The following C6orf163 variants were observed in gnomAD, a reference collection of about 807,000 sequenced individuals.
The protein encoded by C6orf163 is uncharacterized protein C6orf163.
A neutral mutation model predicts 28.4 loss-of-function variants in C6orf163; 22 were observed. The ratio of observed to expected loss-of-function variants is 0.78; its 90% confidence interval spans 0.55 to 1.11. The LOEUF is 1.11. C6orf163 is among the 50% of genes least tolerant of loss of function. C6orf163 has a pLI of 0.00. For missense variants in C6orf163, 342 were observed against 389.1 expected (o/e 0.88, Z 1.02); for synonymous variants, 110 against 123.6 (o/e 0.89, Z 0.73).
At chr6:87,354,337 C>T (rs559915296) in intron 3 of C6orf163, among the ~76,000 whole-genome samples, 1 of 152,224 alleles carries the variant, frequency 6.6e-6, no homozygotes, top group Admixed American at 6.5e-5. Context: ...GATTAAATTT[C>T]AAAAAGCAAA....
chr6:87,348,352 T>C, intron 1 of C6orf163: 1 of 987,204 alleles, frequency 1.0e-6, no homozygotes, highest in South Asian at 4.7e-5. Context: ...ACTGAAGCAG[T>C]TAAACCCACA....
At chr6:87,350,217 G>A (rs74508648) in intron 2 of C6orf163, among the ~76,000 whole-genome samples, 177 bp from the exon 3 acceptor site, 2,881 of 152,292 alleles carry the variant, frequency 0.019, 72 homozygotes, top group East Asian at 0.14. Context: ...TCTGGCTAAG[G>A]CAGACAGTTT....
At chr6:87,353,334 A>G (rs1777448098) in intron 3 of C6orf163, among the ~76,000 whole-genome samples, 1 of 152,082 alleles carries the variant, frequency 6.6e-6, no homozygotes, top group African/African-American at 2.4e-5. Flanking sequence ...TTTGTAACAC[A>G]AAGAAAGGAT....
chr6:87,356,129 ACAT>A (rs1003174514), intron 3 of C6orf163, 169 bp from the exon 4 acceptor site: 2 of 605,602 alleles, frequency 3.3e-6, no homozygotes, highest in Admixed American at 3.0e-5. Context: ...GGTTCACCTA[ACAT>A]CATATAAATA....
intron 1 of C6orf163, among the ~76,000 whole-genome samples, chr6:87,346,993 CTT>C (rs538214203): frequency 1.2e-4 from 19 of 152,244 alleles, no homozygotes; most frequent in Non-Finnish European, 2.2e-4. Context: ...CTTATGTACA[CTT>C]TTTTCCCCCG....
chr6:87,360,051 A>G (rs181003034), intron 4 of C6orf163, among the ~76,000 whole-genome samples: 123 of 152,232 alleles, frequency 8.1e-4, no homozygotes, highest in Non-Finnish European at 3.1e-4. Context: ...AACAACCTCT[A>G]CTTGTCATGT....
intron 4 of C6orf163, chr6:87,357,452 A>G (rs1036763665): frequency 4.6e-5 from 7 of 152,164 alleles, no homozygotes; most frequent in African/African-American, 1.2e-4. Flanking sequence ...TTTCTATATA[A>G]TTAATGGGTA....
At chr6:87,355,723 G>T (rs1464412383) in intron 3 of C6orf163, among the ~76,000 whole-genome samples, 1 of 152,096 alleles carries the variant, frequency 6.6e-6, no homozygotes, top group Non-Finnish European at 1.5e-5. Context: ...ATCCCTTGAG[G>T]ACTAAGATCC....
At chr6:87,348,222 C>G (rs1404367239) in intron 1 of C6orf163, 1 of 984,458 alleles carries the variant, frequency 1.0e-6, no homozygotes, top group Non-Finnish European at 1.2e-6. Flanking sequence ...TCTAGCCTCT[C>G]TAGACTTTTA....
At chr6:87,353,973 TC>T (rs1777459689) in intron 3 of C6orf163, among the ~76,000 whole-genome samples, 1 of 152,200 alleles carries the variant, frequency 6.6e-6, no homozygotes, top group East Asian at 1.9e-4. Context: ...TGCCTCAGCC[TC>T]CCAAGTAGCT....
intron 3 of C6orf163, 131 bp from the exon 4 acceptor site, chr6:87,356,170 C>A (rs1173548549): frequency 1.2e-5 from 9 of 765,338 alleles, no homozygotes; most frequent in Non-Finnish European, 1.9e-5. Flanking sequence ...ACACACTCTT[C>A]TTTTAAATCA....
intron 4 of C6orf163, among the ~76,000 whole-genome samples, chr6:87,361,775 T>G (rs1212931092): frequency 6.6e-6 from 1 of 152,176 alleles, no homozygotes; most frequent in Non-Finnish European, 1.5e-5. Flanking sequence ...ATTCCTCTTT[T>G]TCCCACTTCT....
At chr6:87,355,570 CAATTACCTT>C (rs1261194133) in intron 3 of C6orf163, among the ~76,000 whole-genome samples, 1 of 151,970 alleles carries the variant, frequency 6.6e-6, no homozygotes, top group Non-Finnish European at 1.5e-5. Flanking sequence ...CAAAAAAAAA[CAATTACCTT>C]TAAATGAAAG....
Position 87,365,228 on chromosome 6 carries a change from G to T in C6orf163, c.822G>T (p.Trp274Cys). ...AACAACTGGGAATCATGACAAATTG[G>T]AAAGATTTCCTAGAGGAGGAATTAC... ...IAKQLGIMTN[W>C]KDFLEEELQE... is the part of the protein sequence containing the mutation. The change falls in exon 5 of 5, where the codon TGG (tryptophan) becomes TGT (cysteine). Residue 274 changes from tryptophan (W) to cysteine (C), a missense_variant. By Grantham distance (215) the Trp-to-Cys change is radical (BLOSUM62 -2). Transcript: ENST00000388923. 6.4e-7 allele frequency: 1 copy of T among 1,551,700 alleles called. No individual in the cohort carries two copies.
chr6:87,360,777 A>G (rs1257783003), intron 4 of C6orf163, among the ~76,000 whole-genome samples: 1 of 152,216 alleles, frequency 6.6e-6, no homozygotes, highest in Non-Finnish European at 1.5e-5. Context: ...CACAACATGT[A>G]TTAGAGAGAG....
chr6:87,361,114 G>A (rs936891942), intron 4 of C6orf163, among the ~76,000 whole-genome samples: 1 of 151,986 alleles, frequency 6.6e-6, no homozygotes, highest in Non-Finnish European at 1.5e-5. Flanking sequence ...GCAAAACCCT[G>A]TCTCTACAAA....
chr6:87,348,935 T>C, intron 2 of C6orf163, 29 bp downstream of exon 2: 1 of 1,535,424 alleles, frequency 6.5e-7, no homozygotes, highest in Non-Finnish European at 8.7e-7. Flanking sequence ...CAACCTAAAG[T>C]CCATCTTTAC....
intron 1 of C6orf163, chr6:87,347,621 A>G (rs757396889): frequency 1.2e-4 from 122 of 985,304 alleles, no homozygotes; most frequent in South Asian, 1.9e-4. Flanking sequence ...CCAAACATAT[A>G]CTTTTAATTG....
intron 1 of C6orf163, 31 bp from the exon 2 acceptor site, chr6:87,348,781 G>A: frequency 6.5e-7 from 1 of 1,535,552 alleles, no homozygotes. Context: ...AGTCGGTGGA[G>A]GTTTGTGACC....
Sources: gnomAD v4.1 joint callset for allele counts (sites outside exome capture counted in the v4.1 genomes callset) on GRCh38, gnomAD v4.1.1 for gene constraint, MANE v1.5 for transcripts, NCBI Gene and HGNC (gene_info 2026-07-23, HGNC 2026-07-21) for gene names.